Variants in CLDN14 observed in about 807,000 individuals in gnomAD.
The protein encoded by CLDN14 is claudin 14, also known as claudin-14.
Under a neutral mutation model 2.1 loss-of-function variants are expected in CLDN14, and 2 were observed. That is an observed-to-expected ratio of 0.96 (90% CI 0.39 to 3.01). CLDN14 has a LOEUF of 3.01. CLDN14 is among the 30% of genes most tolerant of loss of function. The pLI is 0.09. For synonymous variants in CLDN14, 136 were observed against 154.4 expected, an observed-to-expected ratio of 0.88 and a Z score of 0.88; for missense variants, 298 against 328.0, an observed-to-expected ratio of 0.91 and a Z score of 0.71.
At chr21:36,511,593 C>T (rs2087187169) in intron 1 of CLDN14, among the ~76,000 whole-genome samples, 1 of 152,068 alleles carries the variant, frequency 6.6e-6, no homozygotes, top group Non-Finnish European at 1.5e-5. Flanking sequence ...CTGTCTGGCC[C>T]ACACTTCGAG....
chr21:36,494,156 G>T (rs1461473333), intron 2 of CLDN14, among the ~76,000 whole-genome samples: 1 of 152,218 alleles, frequency 6.6e-6, no homozygotes, highest in African/African-American at 2.4e-5. Flanking sequence ...CTCTGGCACA[G>T]ACCGGGAGAC....
Position 36,573,854 on chromosome 21 carries a change from A to G in CLDN14, c.-220+2557T>C, listed in dbSNP as rs60564570. On this transcript the variant is annotated intron_variant, in intron 1 of 2. Coordinates refer to the CLDN14 transcript ENST00000342108. ...CTTCAAATACCTAGGGATAAATCTA[A>G]TAAAATATGTATAAGACATCTACAT... 5.2e-3 allele frequency among the ~76,000 whole-genome samples: 786 copies of G among 152,308 alleles called. 6 individuals carry two copies. The highest frequency in any genetic ancestry group is 0.018 in the African/African-American group (760 of 41,578).
intron 2 of CLDN14, chr21:36,486,523 C>T (rs1253188814): frequency 6.4e-7 from 1 of 1,565,662 alleles, no homozygotes; most frequent in South Asian, 1.1e-5. Flanking sequence ...GCATGGCACC[C>T]CCTTCCCCAG....
chr21:36,535,797 T>A (rs1176019643), intron 1 of CLDN14, among the ~76,000 whole-genome samples: 1 of 152,202 alleles, frequency 6.6e-6, no homozygotes. Context: ...AATTATTATC[T>A]CAAAGCACAT....
intron 1 of CLDN14, among the ~76,000 whole-genome samples, chr21:36,565,793 A>T (rs1426505063): frequency 6.6e-5 from 10 of 152,164 alleles, no homozygotes. Context: ...CTGGTGCTAT[A>T]AAAAAGTTCT....
In CLDN14 at chr21:36,461,465, G is replaced by A. The variant is rs1308961145; in HGVS notation, c.231C>T (p.Leu77=). 1 of 1,613,394 alleles carries A rather than the reference G, an allele frequency of 6.2e-7. No homozygotes were observed. The highest frequency in any genetic ancestry group is 1.3e-5 in the African/African-American group (1 of 75,062). The change falls in exon 2 of 2, where the codon CTC becomes CTT. Residue 77 remains leucine (L), a synonymous_variant. Coordinates refer to ENST00000399135, the MANE Select transcript of CLDN14 (RefSeq NM_001146079.2). ...TGACCATGAGGGCGCGGGCAGCCTG[G>A]AGGTCTTGGGGCAGCGCCAGCAGGG... The part of the protein sequence containing the change: ...YRSLLALPQD[L]QAARALMVIS...
At chr21:36,545,518 C>T (rs1316140639) in intron 1 of CLDN14, among the ~76,000 whole-genome samples, 1 of 152,158 alleles carries the variant, frequency 6.6e-6, no homozygotes, top group Non-Finnish European at 1.5e-5. Flanking sequence ...ACCATAATTT[C>T]CCTTACTAGA....
At chr21:36,523,764 AAAGAAAGAG>A (rs2087294146) in intron 1 of CLDN14, among the ~76,000 whole-genome samples, 2 of 32,790 alleles carry the variant, frequency 6.1e-5, no homozygotes, top group Non-Finnish European at 1.1e-4. Context: ...AAAAAAAAAG[AAAGAAAGAG>A]AGAAAGAGAG....
At chr21:36,475,964 C>T (rs1206820192) in intron 1 of CLDN14, among the ~76,000 whole-genome samples, 1 of 152,008 alleles carries the variant, frequency 6.6e-6, no homozygotes, top group Admixed American at 6.5e-5. Context: ...GAGCCACCAC[C>T]GTACCTGGCC....
intron 1 of CLDN14, among the ~76,000 whole-genome samples, chr21:36,566,097 G>A (rs1024663075): frequency 6.6e-6 from 1 of 152,132 alleles, no homozygotes; most frequent in Non-Finnish European, 1.5e-5. Context: ...AAGGAAGTTA[G>A]TAAATCCCAC....
intron 1 of CLDN14, among the ~76,000 whole-genome samples, chr21:36,545,245 G>A (rs921624051): frequency 8.5e-5 from 13 of 152,306 alleles, no homozygotes; most frequent in East Asian, 5.8e-4. Context: ...TATTCTTAAA[G>A]CGTTTTAAGG....
intron 1 of CLDN14, among the ~76,000 whole-genome samples, chr21:36,565,884 TG>T (rs1278608309): frequency 6.6e-6 from 1 of 152,230 alleles, no homozygotes; most frequent in Non-Finnish European, 1.5e-5. Flanking sequence ...TGTCATAAGT[TG>T]ATTACAGACA....
At chr21:36,471,678 C>G (rs953710290) in intron 1 of CLDN14, among the ~76,000 whole-genome samples, 3 of 152,194 alleles carry the variant, frequency 2.0e-5, no homozygotes, top group Non-Finnish European at 4.4e-5. Context: ...TTAGTCAGGA[C>G]TTACAGCAAA....
intron 1 of CLDN14, among the ~76,000 whole-genome samples, chr21:36,574,815 A>G (rs1249162714): frequency 6.6e-6 from 1 of 152,204 alleles, no homozygotes; most frequent in Non-Finnish European, 1.5e-5. Flanking sequence ...ATCCTAAATG[A>G]CAAAGCTTTG....
intron 1 of CLDN14, among the ~76,000 whole-genome samples, chr21:36,519,733 C>CAAAA (rs33915345): frequency 6.6e-6 from 1 of 150,666 alleles, no homozygotes; most frequent in African/African-American, 2.5e-5. Flanking sequence ...ACAACAACAA[C>CAAAA]AAAACCCCAA....
At chr21:36,557,370 C>G (rs2087606208) in intron 1 of CLDN14, among the ~76,000 whole-genome samples, 1 of 152,148 alleles carries the variant, frequency 6.6e-6, no homozygotes, top group Non-Finnish European at 1.5e-5. Context: ...AAACTCCATG[C>G]TGTTTTCCAT....
At chr21:36,559,512 G>A (rs1465547499) in intron 1 of CLDN14, among the ~76,000 whole-genome samples, 1 of 152,132 alleles carries the variant, frequency 6.6e-6, no homozygotes, top group Non-Finnish European at 1.5e-5. Context: ...TTTTTATCAT[G>A]AGGGTTACAA....
At chr21:36,500,940 G>A (rs778566027) in intron 2 of CLDN14, among the ~76,000 whole-genome samples, 14 of 152,220 alleles carry the variant, frequency 9.2e-5, no homozygotes, top group South Asian at 4.1e-4. Flanking sequence ...AGAACTCTAC[G>A]CAGGGGGTAT....
intron 1 of CLDN14, among the ~76,000 whole-genome samples, chr21:36,549,694 G>A (rs1264012921): frequency 1.3e-5 from 2 of 152,186 alleles, no homozygotes; most frequent in Non-Finnish European, 2.9e-5. Flanking sequence ...AGCACACAAC[G>A]GCCCTGGAGG....
Sources: allele counts gnomAD v4.1 joint callset (sites outside exome capture counted in the v4.1 genomes callset), GRCh38; gene constraint gnomAD v4.1.1; transcripts MANE v1.5; gene names NCBI Gene and HGNC (gene_info 2026-07-23, HGNC 2026-07-21).